The following KIRREL3 variants were observed in gnomAD, a reference collection of about 807,000 sequenced individuals.
KIRREL3 encodes kirre like nephrin family adhesion molecule 3.
KIRREL3 carries 36 observed loss-of-function variants against 89.7 expected under a neutral mutation model. That is an observed-to-expected ratio of 0.40 (90% CI 0.31 to 0.53). The LOEUF is 0.53. Among genes scored for constraint, KIRREL3 ranks in the 20% least tolerant of loss-of-function variants. The pLI is 0.49. For missense variants in KIRREL3, 864 were observed against 1,056.6 expected (o/e 0.82, Z 2.53); for synonymous variants, 445 against 441.4 (o/e 1.01, Z -0.10).
At position 126,569,933 on chromosome 11, in the gene KIRREL3, T is replaced by G. The variant is rs995827838; in HGVS notation, c.56-7021A>C. Among the ~76,000 whole-genome samples the G allele has an allele frequency of 5.3e-5, 8 of 152,162 alleles. No homozygotes were observed. Among genetic ancestry groups the G allele is most frequent in the Non-Finnish European group, 8.8e-5 (6 of 68,034 alleles). On this transcript the variant is annotated intron_variant, in intron 1 of 16. Coordinates refer to ENST00000525144, the MANE Select transcript of KIRREL3 (RefSeq NM_032531.4). This position sits in a 1 kb window ranked among gnomAD's most constrained non-coding sequence, Gnocchi z 6.5. ...AGTTTTCACTTTGATTCTGCTAAAC[T>G]GCTTTCTGCATCGGTTCTGCCTACT...
At chr11:126,875,727 T>A (rs1291943006) in intron 1 of KIRREL3, among the ~76,000 whole-genome samples, 2 of 152,270 alleles carry the variant, frequency 1.3e-5, no homozygotes, top group African/African-American at 4.8e-5. Flanking sequence ...TCATTGTTTT[T>A]CGACTTTTAT....
At chr11:126,700,212 GA>G (rs1947262585) in intron 1 of KIRREL3, among the ~76,000 whole-genome samples, 1 of 151,512 alleles carries the variant, frequency 6.6e-6, no homozygotes, top group Non-Finnish European at 1.5e-5. Flanking sequence ...AAAAAAGAGA[GA>G]GAGAGATATT....
At position 126,898,698 on chromosome 11, in the gene KIRREL3, C is replaced by T. The variant is rs563706550; in HGVS notation, c.55+101757G>A. Among the ~76,000 whole-genome samples the T allele has an allele frequency of 6.6e-5, 10 of 151,912 alleles. No homozygotes were observed. In the South Asian group the frequency reaches 1.7e-3, roughly 25 times the overall value. On this transcript the variant is annotated intron_variant, in intron 1 of 16. Transcript: ENST00000525144. The surrounding 1 kb of genome is among the most constrained non-coding windows in gnomAD (Gnocchi z 4.9). ...ACCTTTATCAAACATAGAATAGTTACCTGGGGGTAAAGGAAGGGAAATGGA... is the reference window on the plus strand; with the variant it reads ...ACCTTTATCAAACATAGAATAGTTATCTGGGGGTAAAGGAAGGGAAATGGA...
intron 1 of KIRREL3, among the ~76,000 whole-genome samples, chr11:126,727,403 G>C (rs1195576139): frequency 6.6e-6 from 1 of 152,234 alleles, no homozygotes; most frequent in Non-Finnish European, 1.5e-5. Flanking sequence ...AGGCTACAGA[G>C]CTTACAGATT....
rs1009057864 is a variant in KIRREL3, at chr11:126,734,201, G to A, written c.56-171289C>T. ...GATGTAAAGAAAATAGGCATTTCAC[G>A]GCTGTTCTCTCCCAAGTCCCATGCT... On this transcript the variant is annotated intron_variant, in intron 1 of 16. Transcript: ENST00000525144. This position sits in a 1 kb window ranked among gnomAD's most constrained non-coding sequence, Gnocchi z 5.9. Among the ~76,000 whole-genome samples the A allele has an allele frequency of 4.6e-5, 7 of 152,270 alleles. No homozygotes were observed. Among genetic ancestry groups the A allele is most frequent in the African/African-American group, 1.7e-4 (7 of 41,552 alleles).
At chr11:126,851,285 A>G (rs984457129) in intron 1 of KIRREL3, among the ~76,000 whole-genome samples, 2 of 152,206 alleles carry the variant, frequency 1.3e-5, no homozygotes, top group African/African-American at 4.8e-5. Flanking sequence ...GTTCACTGGA[A>G]AATGTCTGAG....
At chr11:126,975,302 A>T (rs938189140) in intron 1 of KIRREL3, among the ~76,000 whole-genome samples, 3 of 152,084 alleles carry the variant, frequency 2.0e-5, no homozygotes, top group African/African-American at 7.2e-5. Context: ...ATGCACTATT[A>T]TCCATCCTCC....
At chr11:126,871,200 G>A (rs1010721254) in intron 1 of KIRREL3, among the ~76,000 whole-genome samples, 10 of 152,290 alleles carry the variant, frequency 6.6e-5, no homozygotes, top group African/African-American at 2.4e-4. Flanking sequence ...TTTGAGTTGT[G>A]TGTCCTTTGG....
chr11:126,981,859 T>C lies in KIRREL3; in HGVS notation c.55+18596A>G, dbSNP rs2135249002. 6.6e-6 allele frequency among the ~76,000 whole-genome samples: 1 copy of C among 152,326 alleles called. No homozygotes were observed. Among genetic ancestry groups the C allele is most frequent in the East Asian group, 1.9e-4 (1 of 5,182 alleles). On this transcript the variant is annotated intron_variant, in intron 1 of 16. Coordinates refer to ENST00000525144, the MANE Select transcript of KIRREL3 (RefSeq NM_032531.4). The surrounding 1 kb of genome is among the most constrained non-coding windows in gnomAD (Gnocchi z 4.2). ...CTGAGCTTCTGTAGCACACACTCCC[T>C]TGCTTGGGGGCTCTGCTGGGATGAC...
intron 7 of KIRREL3, among the ~76,000 whole-genome samples, chr11:126,450,394 TATGTGTGA>T (rs1170275921): frequency 8.8e-5 from 13 of 147,516 alleles, no homozygotes; most frequent in Admixed American, 2.7e-4. Context: ...TGAGTGTGGG[TATGTGTGA>T]GTGTGTGCAT....
chr11:126,925,517 T>C (rs975268483), intron 1 of KIRREL3, among the ~76,000 whole-genome samples: 4 of 152,180 alleles, frequency 2.6e-5, no homozygotes, highest in African/African-American at 9.7e-5. Context: ...CTGAGCTCAG[T>C]ATGAGGGCTG....
At position 126,771,009 on chromosome 11, in the gene KIRREL3, C is replaced by T. The variant is rs1197128520; in HGVS notation, c.56-208097G>A. ...TGCCACCAGGCCTGGCTAATTTTTG[C>T]ATTTTTAGTAGAGATGGAGTTTTGC... On this transcript the variant is annotated intron_variant, in intron 1 of 16. Coordinates refer to ENST00000525144, the MANE Select transcript of KIRREL3 (RefSeq NM_032531.4). The surrounding 1 kb of genome is among the most constrained non-coding windows in gnomAD (Gnocchi z 4.4). Among the ~76,000 whole-genome samples the T allele has an allele frequency of 6.6e-6, 1 of 152,044 alleles. No individual in the cohort carries two copies. Among genetic ancestry groups the T allele is most frequent in the Non-Finnish European group, 1.5e-5 (1 of 67,986 alleles).
chr11:126,815,690 C>T (rs1381024394), intron 1 of KIRREL3, among the ~76,000 whole-genome samples: 5 of 152,090 alleles, frequency 3.3e-5, no homozygotes, highest in African/African-American at 4.8e-5. Flanking sequence ...GCCGCCACCA[C>T]GCCCGGCTAA....
rs1178031244 is a variant in KIRREL3, at chr11:126,965,055, G to C, written c.55+35400C>G. Among the ~76,000 whole-genome samples the C allele has an allele frequency of 6.6e-6, 1 of 152,102 alleles. No individual in the cohort carries two copies. On this transcript the variant is annotated intron_variant, in intron 1 of 16. Transcript: ENST00000525144. This position sits in a 1 kb window ranked among gnomAD's most constrained non-coding sequence, Gnocchi z 4.4. ...TGTTGTACTCCCAACTCAACAGATG[G>C]GATATTAGAGCCAAGAAAAAGTTAA...
Position 126,683,103 on chromosome 11 carries a change from G to A in KIRREL3, c.56-120191C>T, listed in dbSNP as rs1423946539. Among the ~76,000 whole-genome samples, 2 of 152,040 alleles carry A rather than the reference G, an allele frequency of 1.3e-5. No individual in the cohort carries two copies. Among genetic ancestry groups the A allele is most frequent in the Admixed American group, 1.3e-4 (2 of 15,268 alleles). On this transcript the variant is annotated intron_variant, in intron 1 of 16. Transcript: ENST00000525144. This position sits in a 1 kb window ranked among gnomAD's most constrained non-coding sequence, Gnocchi z 5.2. ...CCCCCTGAACTCCAGTGATCTTACC[G>A]CCTCAGCCTTCCAAAGTGTTGCAAT...
chr11:126,930,687 T>C lies in KIRREL3; in HGVS notation c.55+69768A>G, dbSNP rs941850095. Among the ~76,000 whole-genome samples the C allele has an allele frequency of 2.6e-5, 4 of 152,206 alleles. No homozygotes were observed. In the East Asian group the frequency reaches 7.7e-4, roughly 29 times the overall value. On this transcript the variant is annotated intron_variant, in intron 1 of 16. Coordinates refer to ENST00000525144, the MANE Select transcript of KIRREL3 (RefSeq NM_032531.4). ...TACCACCTCAATCCAAGCCACCAGC[T>C]TCTTCCCTAATTGTCTCACTGCATT...
At chr11:126,922,135 C>T (rs1410911655) in intron 1 of KIRREL3, among the ~76,000 whole-genome samples, 1 of 150,694 alleles carries the variant, frequency 6.6e-6, no homozygotes, top group Non-Finnish European at 1.5e-5. Flanking sequence ...ATCTATCTAT[C>T]TATCTATCTA....
intron 1 of KIRREL3, among the ~76,000 whole-genome samples, chr11:126,958,569 C>T (rs750649108): frequency 3.3e-5 from 5 of 152,200 alleles, no homozygotes; most frequent in Non-Finnish European, 7.3e-5. Flanking sequence ...ATATGCCTGC[C>T]TCTTTCACTA....
rs999530657 is a variant in KIRREL3, at chr11:126,703,149, A to G, written c.56-140237T>C. ...CTGGGCTGGGGCAGGAGACACTGTA[A>G]AGAGCCAGTAGGCCTGGATTCCTTC... On this transcript the variant is annotated intron_variant, in intron 1 of 16. Transcript: ENST00000525144. The surrounding 1 kb of genome is among the most constrained non-coding windows in gnomAD (Gnocchi z 4.6). Among the ~76,000 whole-genome samples the G allele has an allele frequency of 6.6e-6, 1 of 152,172 alleles. No individual in the cohort carries two copies.
Sources: allele counts gnomAD v4.1 joint callset (sites outside exome capture counted in the v4.1 genomes callset), GRCh38; gene constraint gnomAD v4.1.1; non-coding constraint Gnocchi (gnomAD v3.1); transcripts MANE v1.5; gene names NCBI Gene and HGNC (gene_info 2026-07-23, HGNC 2026-07-21).